The following CRYBA4 variants were observed in gnomAD, a reference collection of about 807,000 sequenced individuals.
CRYBA4 encodes the protein crystallin beta A4, also known as beta-crystallin A4.
In CRYBA4, 30 loss-of-function variants were observed where a neutral mutation model predicts 31.7. The observed-to-expected ratio is 0.95, with a 90% CI of 0.71 to 1.28. CRYBA4 has a LOEUF of 1.28. Ranked by LOEUF, CRYBA4 falls within the 50% of genes most tolerant of loss-of-function variation. The probability of loss-of-function intolerance (pLI) is 0.00; values close to 1 mark genes in which losing one functional copy is unlikely to be tolerated. For synonymous variants in CRYBA4, 102 were observed against 102.3 expected, an observed-to-expected ratio of 1.00 and a Z score of 0.02; for missense variants, 225 against 260.7, an observed-to-expected ratio of 0.86 and a Z score of 0.94.
upstream of CRYBA4, among the ~76,000 whole-genome samples, chr22:26,618,289 A>G (rs954196045): frequency 2.6e-5 from 4 of 152,260 alleles, no homozygotes; most frequent in African/African-American, 9.6e-5. Flanking sequence ...TGGGCCCCCA[A>G]AAGGGTCCCT....
chr22:26,624,611 G>A (rs1479072905), intron 3 of CRYBA4, among the ~76,000 whole-genome samples: 2 of 152,220 alleles, frequency 1.3e-5, no homozygotes, highest in African/African-American at 2.4e-5. Flanking sequence ...GGTGGGGAAT[G>A]GGGGTCAGAT....
At chr22:26,627,428 T>TTTCTTTC (rs1929763844) in intron 4 of CRYBA4, among the ~76,000 whole-genome samples, 2 of 102,212 alleles carry the variant, frequency 2.0e-5, no homozygotes, top group Non-Finnish European at 3.8e-5. Flanking sequence ...TTCTTTCTTT[T>TTTCTTTC]TCTTTCTTTC....
chr22:26,629,944 TAC>T (rs1236277609), intron 5 of CRYBA4, among the ~76,000 whole-genome samples: 1 of 25,896 alleles, frequency 3.9e-5, no homozygotes, highest in Non-Finnish European at 1.2e-4. Flanking sequence ...GAACAAAACA[TAC>T]ACGTTCCTAC....
At chr22:26,621,676 C>T (rs1436903982), upstream of CRYBA4, among the ~76,000 whole-genome samples, 1 of 152,234 alleles carries the variant, frequency 6.6e-6, no homozygotes, top group Non-Finnish European at 1.5e-5. Context: ...AAGGATGCTT[C>T]TGGACTCCTC....
the CRYBA4 span, among the ~76,000 whole-genome samples, chr22:26,607,586 A>G: frequency 6.8e-6 from 1 of 146,020 alleles, no homozygotes; most frequent in South Asian, 2.3e-4. Flanking sequence ...AAAAGCTCCC[A>G]GTAAGGTCTA....
At position 26,630,482 on chromosome 22, in the gene CRYBA4, C is replaced by T. The variant is rs747312758; in HGVS notation, c.586C>T (p.Gln196Ter). ...GGTGCAGAGCATCCGCAGGATCCAG[C>T]AGTGAACAGGGGTGCGGCACGGAGG... is the stretch of plus-strand genomic sequence containing the variant. ...FQVQSIRRIQ[Q>*] is the part of the protein sequence containing the mutation. Residue 196 changes from glutamine to a stop codon, truncating the protein, a stop_gained, in exon 6 of 6, where the codon CAG (glutamine) becomes TAG (stop). Transcript: ENST00000354760. LOFTEE classifies it high-confidence loss of function. 1 of 1,613,280 alleles carries T rather than the reference C, an allele frequency of 6.2e-7. No individual in the cohort carries two copies. The highest frequency in any genetic ancestry group is 2.2e-5 in the East Asian group (1 of 44,904).
chr22:26,619,879 A>AT (rs1172592355), upstream of CRYBA4, among the ~76,000 whole-genome samples: 2 of 152,178 alleles, frequency 1.3e-5, no homozygotes, highest in Non-Finnish European at 2.9e-5. Flanking sequence ...GAGAAGGGGG[A>AT]TGGCCCACCA....
the CRYBA4 span, among the ~76,000 whole-genome samples, chr22:26,590,784 C>A: frequency 6.6e-6 from 1 of 151,850 alleles, no homozygotes. Context: ...CCAAAAAAAA[C>A]CCTGCAAAAA....
At chr22:26,615,994 G>A in the CRYBA4 span, 1 of 722,356 alleles carries the variant, frequency 1.4e-6, no homozygotes, top group Non-Finnish European at 2.5e-6. Context: ...TAAATAGAAA[G>A]GAGAGAAAAT....
At chr22:26,611,479 T>G in the CRYBA4 span, among the ~76,000 whole-genome samples, 1 of 148,914 alleles carries the variant, frequency 6.7e-6, no homozygotes, top group Non-Finnish European at 1.5e-5. Context: ...GTTTTTTTTT[T>G]TTTTTTGAGA....
chr22:26,603,610 A>G, the CRYBA4 span, among the ~76,000 whole-genome samples: 2 of 151,900 alleles, frequency 1.3e-5, no homozygotes, highest in South Asian at 4.2e-4. Context: ...CAGTCCAACT[A>G]TAAAACAGGC....
chr22:26,602,326 G>A, the CRYBA4 span, among the ~76,000 whole-genome samples: 2 of 152,062 alleles, frequency 1.3e-5, no homozygotes, highest in East Asian at 3.9e-4. Flanking sequence ...GCTCATGTCT[G>A]TAATTCCAGC....
In CRYBA4 at chr22:26,622,589, G is replaced by C; in HGVS notation, c.-8G>C. 1 of 1,613,204 alleles carries C rather than the reference G, an allele frequency of 6.2e-7. No individual in the cohort carries two copies. The highest frequency in any genetic ancestry group is 2.2e-5 in the East Asian group (1 of 44,860). Reference sequence around the variant, plus strand: ...TAATGTTCTTCTCTTCTGCAGGAAGGGGCCACAATGACCCTGCAATGCACA... The same window carrying C: ...TAATGTTCTTCTCTTCTGCAGGAAGCGGCCACAATGACCCTGCAATGCACA... On this transcript the variant is annotated 5_prime_UTR_variant, in exon 2 of 6. Coordinates refer to ENST00000354760, the MANE Select transcript of CRYBA4 (RefSeq NM_001886.3).
chr22:26,620,187 G>T (rs558679554), upstream of CRYBA4, among the ~76,000 whole-genome samples: 1 of 151,834 alleles, frequency 6.6e-6, no homozygotes, highest in Non-Finnish European at 1.5e-5. Flanking sequence ...ATGAACCCAG[G>T]CTCTTAAAAA....
At chr22:26,630,310 G>C (rs760186944) in intron 5 of CRYBA4, 30 bp from the exon 6 acceptor site, 21 of 1,613,652 alleles carry the variant, frequency 1.3e-5, no homozygotes, top group Middle Eastern at 3.3e-4. Flanking sequence ...TGTCTCTGTA[G>C]AGTAACTGTC....
upstream of CRYBA4, among the ~76,000 whole-genome samples, chr22:26,620,284 C>T (rs1207425097): frequency 1.8e-4 from 27 of 152,284 alleles, no homozygotes. Flanking sequence ...GGAAATACCA[C>T]AATATTTTTT....
At chr22:26,596,934 C>A in the CRYBA4 span, among the ~76,000 whole-genome samples, 3 of 152,190 alleles carry the variant, frequency 2.0e-5, no homozygotes, top group Non-Finnish European at 4.4e-5. Flanking sequence ...TTGCCTAGTT[C>A]TTTCCAACTT....
At position 26,630,517 on chromosome 22, in the gene CRYBA4, G is replaced by A. The variant is rs376812109; in HGVS notation, c.*30G>A. On this transcript the variant is annotated 3_prime_UTR_variant, in exon 6 of 6. Coordinates refer to ENST00000354760, the MANE Select transcript of CRYBA4 (RefSeq NM_001886.3). ...GGGTGCGGCACGGAGGAGCGCATGCGTGCTTATCTGCAATGGAGGCGCTCT... is the reference window on the plus strand; with the variant it reads ...GGGTGCGGCACGGAGGAGCGCATGCATGCTTATCTGCAATGGAGGCGCTCT... 54 of 1,597,680 alleles carry A rather than the reference G, an allele frequency of 3.4e-5. No individual in the cohort carries two copies. Among genetic ancestry groups the A allele is most frequent in the Middle Eastern group, 1.7e-4 (1 of 5,996 alleles).
chr22:26,591,075 T>C, the CRYBA4 span, among the ~76,000 whole-genome samples: 1 of 152,172 alleles, frequency 6.6e-6, no homozygotes, highest in Admixed American at 6.5e-5. Flanking sequence ...TATTATCTGT[T>C]TAAAATAAAT....
Sources: allele counts gnomAD v4.1 joint callset (sites outside exome capture counted in the v4.1 genomes callset), GRCh38; gene constraint gnomAD v4.1.1; transcripts MANE v1.5; gene names NCBI Gene and HGNC (gene_info 2026-07-23, HGNC 2026-07-21).